Variants in ZNF141 observed in about 807,000 individuals in gnomAD.
ZNF141 encodes the protein zinc finger protein 141.
In ZNF141, 7 loss-of-function variants were observed where a neutral mutation model predicts 11.3. That is an observed-to-expected ratio of 0.62 (90% confidence interval 0.35 to 1.16). The LOEUF is 1.16. Ranked by LOEUF, ZNF141 falls within the 50% of genes most tolerant of loss-of-function variation. The pLI, the probability that ZNF141 is intolerant of heterozygous loss-of-function variation, is 0.02. For missense variants in ZNF141, 535 were observed against 554.0 expected (o/e 0.97, Z 0.34); for synonymous variants, 183 against 190.7 (o/e 0.96, Z 0.33).
intron 3 of ZNF141, among the ~76,000 whole-genome samples, chr4:367,353 G>C (rs1711793566): frequency 6.6e-6 from 1 of 152,080 alleles, no homozygotes; most frequent in African/African-American, 2.4e-5. Context: ...GTTTTGAATA[G>C]TCATTGAAAT....
rs1553849669 is a variant in ZNF141, at chr4:346,894, C to CA, written c.226+2464_226+2465insA. On this transcript the variant is annotated intron_variant, in intron 3 of 3. Coordinates refer to ENST00000240499, the MANE Select transcript of ZNF141 (RefSeq NM_003441.4). ...ATATATGTATACACACACACACACACCGCCCCCCCCATATATTGGCTACTG... is the reference window on the plus strand; with the variant it reads ...ATATATGTATACACACACACACACACACGCCCCCCCCATATATTGGCTACTG... 1.8e-3 allele frequency among the ~76,000 whole-genome samples: 144 copies of CA among 81,410 alleles called. 7 individuals carry two copies. Among genetic ancestry groups the CA allele is most frequent in the Admixed American group, 2.3e-3 (22 of 9,576 alleles). 53.4% of individuals were successfully genotyped at this position (81,410 alleles called of 152,430 possible).
At chr4:347,609 G>C (rs1290875403) in intron 3 of ZNF141, among the ~76,000 whole-genome samples, 2 of 151,924 alleles carry the variant, frequency 1.3e-5, no homozygotes, top group Non-Finnish European at 2.9e-5. Context: ...AAAGTGCTGG[G>C]ATTACAGGCG....
Position 337,950 on chromosome 4 carries a change from A to G in ZNF141, c.-34A>G, listed in dbSNP as rs782642857. ...GACCTGCGGGTATTGGATGATTGGT[A>G]GCTAAGACTCCCGAATACTTCAGAA... On this transcript the variant is annotated 5_prime_UTR_variant, in exon 1 of 4. Coordinates refer to ENST00000240499, the MANE Select transcript of ZNF141 (RefSeq NM_003441.4). 1.9e-6 allele frequency: 3 copies of G among 1,612,468 alleles called. No homozygotes were observed. The highest frequency in any genetic ancestry group is 2.5e-6 in the Non-Finnish European group (3 of 1,178,918).
chr4:351,444 A>G (rs1427876566), intron 3 of ZNF141, among the ~76,000 whole-genome samples: 1 of 151,606 alleles, frequency 6.6e-6, no homozygotes, highest in Non-Finnish European at 1.5e-5. Flanking sequence ...CATGTTAGCC[A>G]GGTGGTCTCC....
intron 3 of ZNF141, among the ~76,000 whole-genome samples, chr4:364,768 G>T (rs1224183354): frequency 6.6e-6 from 1 of 152,200 alleles, no homozygotes; most frequent in Non-Finnish European, 1.5e-5. Flanking sequence ...ATGTCTCCCA[G>T]TTAGGCTACA....
intron 3 of ZNF141, among the ~76,000 whole-genome samples, chr4:354,883 T>A (rs1309195006): frequency 6.6e-6 from 1 of 152,106 alleles, no homozygotes; most frequent in East Asian, 1.9e-4. Flanking sequence ...TATAAAATTG[T>A]GATTTAAAAA....
At position 382,784 on chromosome 4, in the gene ZNF141, A is replaced by G. The variant is rs552166605; in HGVS notation, c.*8922A>G. 32 of 200,834 alleles carry G rather than the reference A, an allele frequency of 1.6e-4. No individual in the cohort carries two copies. Among genetic ancestry groups the G allele is most frequent in the African/African-American group, 7.0e-4 (30 of 42,732 alleles). The allele number at this position is 200,834 out of a possible 1,614,324, so 12.4% of individuals were successfully genotyped here. A position where few individuals can be genotyped will look rare whatever the true frequency, so the allele number is the denominator to read the frequency against. ...GAAACCTGGCTGAGTAGTGTGGTCT[A>G]TGGAGGTGCATGGGCTTCAGAATCA... On this transcript the variant is annotated 3_prime_UTR_variant, in exon 4 of 4. Transcript: ENST00000240499.
intron 1 of ZNF141, among the ~76,000 whole-genome samples, chr4:343,209 G>A (rs1424317718): frequency 1.3e-5 from 2 of 152,094 alleles, no homozygotes; most frequent in Non-Finnish European, 2.9e-5. Flanking sequence ...GTTCCAGGAG[G>A]TCACAGGGCC....
At position 380,429 on chromosome 4, in the gene ZNF141, G is replaced by A. The variant is rs1712559432; in HGVS notation, c.*6567G>A. 6.6e-6 allele frequency among the ~76,000 whole-genome samples: 1 copy of A among 152,094 alleles called. No individual in the cohort carries two copies. The highest frequency in any genetic ancestry group is 1.5e-5 in the Non-Finnish European group (1 of 68,012). On this transcript the variant is annotated 3_prime_UTR_variant, in exon 4 of 4. Transcript: ENST00000240499. ...AGCACTTTGGGCGCCCAAGGCAGGT[G>A]GATCATGAGGTCAGGAGTTTGAGAC...
intron 3 of ZNF141, among the ~76,000 whole-genome samples, chr4:352,089 T>C (rs1182661621): frequency 1.3e-5 from 2 of 151,846 alleles, no homozygotes; most frequent in Non-Finnish European, 2.9e-5. Context: ...CAAACAAGAT[T>C]AGAAACAAGG....
rs1241449854 is a variant in ZNF141, at chr4:374,730, G to A, written c.*868G>A. On this transcript the variant is annotated 3_prime_UTR_variant, in exon 4 of 4. Transcript: ENST00000240499. ...GACAAAACCTTTAAGCCATACTCCA[G>A]GCTTCTTAAACATAATGAGAACTCA... The A allele has an allele frequency of 2.0e-5, 3 of 153,534 alleles. No homozygotes were observed. The highest frequency in any genetic ancestry group is 7.2e-5 in the African/African-American group (3 of 41,416). The allele number at this position is 153,534 out of a possible 1,614,324, so 9.5% of individuals were successfully genotyped here. A position where few individuals can be genotyped will look rare whatever the true frequency, so the allele number is the denominator to read the frequency against.
chr4:359,257 T>G (rs1166345824), intron 3 of ZNF141, among the ~76,000 whole-genome samples: 1 of 152,132 alleles, frequency 6.6e-6, no homozygotes, highest in African/African-American at 2.4e-5. Flanking sequence ...CTGAGGAGAC[T>G]GAACTTTCTT....
At chr4:338,068 G>A in intron 1 of ZNF141, 82 bp downstream of exon 1, 1 of 1,586,894 alleles carries the variant, frequency 6.3e-7, no homozygotes, top group Non-Finnish European at 8.6e-7. Context: ...CCGAGTCTGC[G>A]AACGGAGTCC....
In ZNF141 at chr4:369,764, A is replaced by ATATATATATT; in HGVS notation, c.227-2899_227-2898insATATATATTT. On this transcript the variant is annotated intron_variant, in intron 3 of 3. Coordinates refer to ENST00000240499, the MANE Select transcript of ZNF141 (RefSeq NM_003441.4). The stretch of plus-strand genomic sequence containing the variant: ...TATATATATATATATATATATATAT[A>ATATATATATT]TTTTTTTTTTTTTTTTTTTTGAGAG... Among the ~76,000 whole-genome samples, 18 of 48,720 alleles carry ATATATATATT rather than the reference A, an allele frequency of 3.7e-4. 1 individual carries two copies. The highest frequency in any genetic ancestry group is 9.3e-4 in the East Asian group (2 of 2,162). The allele number at this position is 48,720 out of a possible 152,430, so 32.0% of individuals were successfully genotyped here. A position where few individuals can be genotyped will look rare whatever the true frequency, so the allele number is the denominator to read the frequency against.
chr4:371,542 T>TTGTGTG (rs3037726), intron 3 of ZNF141, among the ~76,000 whole-genome samples: 26,038 of 145,334 alleles, frequency 0.18, 2,807 homozygotes, highest in Non-Finnish European at 0.23. Context: ...TTGTGATAAT[T>TTGTGTG]TGTGTGTGTG....
chr4:372,506 A>T (rs546166826), intron 3 of ZNF141, among the ~76,000 whole-genome samples, 158 bp from the exon 4 acceptor site: 1 of 152,212 alleles, frequency 6.6e-6, no homozygotes, highest in Non-Finnish European at 1.5e-5. Context: ...CTTTGTTAGT[A>T]TATGTTTGCT....
Position 384,503 on chromosome 4 carries a change from C to T in ZNF141, c.*10641C>T, listed in dbSNP as rs1712824351. ...GTGTTGATCAGAAGAGACTGTCCCA[C>T]TTAGGCCCAGGTGTAATGAATCAAC... On this transcript the variant is annotated 3_prime_UTR_variant, in exon 4 of 4. Transcript: ENST00000240499. The T allele has an allele frequency of 6.6e-6, 1 of 152,204 alleles. No individual in the cohort carries two copies. The highest frequency in any genetic ancestry group is 6.5e-5 in the Admixed American group (1 of 15,288). The allele number at this position is 152,204 out of a possible 1,614,324, so 9.4% of individuals were successfully genotyped here.
chr4:339,076 T>A (rs960405547), intron 1 of ZNF141, among the ~76,000 whole-genome samples: 1 of 152,174 alleles, frequency 6.6e-6, no homozygotes, highest in Non-Finnish European at 1.5e-5. Flanking sequence ...GCTAACCCAC[T>A]CCTGAGCCCG....
chr4:359,363 G>A (rs548907900), intron 3 of ZNF141, among the ~76,000 whole-genome samples: 1 of 152,290 alleles, frequency 6.6e-6, no homozygotes, highest in South Asian at 2.1e-4. Flanking sequence ...AGTAGGTGTG[G>A]CTCCTGCTGT....
Sources: gnomAD v4.1 joint callset for allele counts (sites outside exome capture counted in the v4.1 genomes callset) on GRCh38, gnomAD v4.1.1 for gene constraint, MANE v1.5 for transcripts, NCBI Gene and HGNC (gene_info 2026-07-23, HGNC 2026-07-21) for gene names.